Variants in PARD3B observed in about 807,000 individuals in gnomAD.
PARD3B encodes par-3 family cell polarity regulator beta.
In PARD3B, 103 loss-of-function variants were observed where a neutral mutation model predicts 130.2. The observed-to-expected ratio is 0.79, with a 90% CI of 0.67 to 0.93. The LOEUF (loss-of-function observed/expected upper bound fraction) is 0.93. Among genes scored for constraint, PARD3B ranks in the 40% least tolerant of loss-of-function variants. The pLI, the probability that PARD3B is intolerant of heterozygous loss-of-function variation, is 0.00. For missense variants in PARD3B, 1,609 were observed against 1,499.2 expected, an observed-to-expected ratio of 1.07 and a Z score of -1.21; for synonymous variants, 583 against 553.2, an observed-to-expected ratio of 1.05 and a Z score of -0.76.
intron 2 of PARD3B, among the ~76,000 whole-genome samples, chr2:204,804,402 A>C (rs2042689164): frequency 6.6e-6 from 1 of 152,220 alleles, no homozygotes; most frequent in Admixed American, 6.5e-5. Context: ...AAAAGATACA[A>C]AGTCATTATA....
At chr2:204,748,230 G>T (rs1219774461) in intron 2 of PARD3B, among the ~76,000 whole-genome samples, 1 of 152,034 alleles carries the variant, frequency 6.6e-6, no homozygotes, top group Non-Finnish European at 1.5e-5. Flanking sequence ...CAGATTAAAT[G>T]ACACCTAAAG....
In PARD3B at chr2:205,158,755, G is replaced by C. The variant is rs779121059; in HGVS notation, c.1468G>C (p.Glu490Gln). The part of the protein sequence containing the change: ...GEPDCCALSL[E>Q]TSEQLTFEIP... Reference sequence around the variant, plus strand: ...ACCTGACTGCTGTGCACTCTCTCTGGAGACAAGCGAGCAGCTCACCTTTGA... The same window carrying C: ...ACCTGACTGCTGTGCACTCTCTCTGCAGACAAGCGAGCAGCTCACCTTTGA... The change falls in exon 11 of 23, where the codon GAG becomes CAG. Residue 490 changes from glutamate to glutamine, a missense_variant. Glu to Gln is a conservative substitution (Grantham distance 29). Coordinates refer to ENST00000406610, the MANE Select transcript of PARD3B (RefSeq NM_001302769.2). The surrounding 1 kb of genome is among the most constrained non-coding windows in gnomAD (Gnocchi z 5.4). 6.2e-7 allele frequency: 1 copy of C among 1,614,110 alleles called. No individual in the cohort carries two copies. Among genetic ancestry groups the C allele is most frequent in the South Asian group, 1.1e-5 (1 of 91,078 alleles).
At chr2:204,613,358 C>T (rs182464881) in intron 1 of PARD3B, among the ~76,000 whole-genome samples, 37 of 152,186 alleles carry the variant, frequency 2.4e-4, no homozygotes, top group African/African-American at 8.4e-4. Context: ...CTGCATTTTC[C>T]GCCTCCAGTT....
chr2:205,273,755 T>A (rs1011178230), intron 16 of PARD3B, among the ~76,000 whole-genome samples: 14 of 152,230 alleles, frequency 9.2e-5, no homozygotes, highest in African/African-American at 3.4e-4. Context: ...GCCTACCTTG[T>A]GCTGTGTATC....
At chr2:205,120,612 G>A (rs1027053366) in intron 7 of PARD3B, among the ~76,000 whole-genome samples, 8 of 152,124 alleles carry the variant, frequency 5.3e-5, no homozygotes, top group East Asian at 1.9e-4. Context: ...CAGTTAGTGC[G>A]GCAGCTGCAC....
At chr2:204,554,303 G>A (rs1434948381) in intron 1 of PARD3B, among the ~76,000 whole-genome samples, 2 of 151,840 alleles carry the variant, frequency 1.3e-5, no homozygotes, top group African/African-American at 2.4e-5. Flanking sequence ...CTCTATATAC[G>A]GCTTTCTTGA....
chr2:205,277,655 G>A (rs2041003694), intron 16 of PARD3B, among the ~76,000 whole-genome samples: 2 of 152,074 alleles, frequency 1.3e-5, no homozygotes. Flanking sequence ...GAGGAGGGAG[G>A]GAACTGATGT....
intron 16 of PARD3B, among the ~76,000 whole-genome samples, chr2:205,278,552 T>C (rs1342334372): frequency 6.6e-6 from 1 of 152,038 alleles, no homozygotes; most frequent in African/African-American, 2.4e-5. Flanking sequence ...TTTTGGAAGG[T>C]TTTGAGTTAG....
chr2:205,340,478 G>A (rs984804463), intron 18 of PARD3B, among the ~76,000 whole-genome samples: 5 of 151,944 alleles, frequency 3.3e-5, no homozygotes, highest in East Asian at 1.9e-4. Context: ...TTTCAACAAC[G>A]GCATCAATAT....
At chr2:205,189,753 A>C (rs907636510) in intron 14 of PARD3B, among the ~76,000 whole-genome samples, 1 of 152,182 alleles carries the variant, frequency 6.6e-6, no homozygotes, top group Non-Finnish European at 1.5e-5. Context: ...CTGGTGCTCT[A>C]TATGCCCACA....
chr2:204,718,904 A>G (rs1380454397), intron 2 of PARD3B, among the ~76,000 whole-genome samples: 1 of 152,180 alleles, frequency 6.6e-6, no homozygotes, highest in Non-Finnish European at 1.5e-5. Flanking sequence ...TAACACATAT[A>G]TGTATCGTTG....
chr2:205,138,440 T>C (rs1454985992), intron 10 of PARD3B, among the ~76,000 whole-genome samples: 1 of 152,180 alleles, frequency 6.6e-6, no homozygotes, highest in East Asian at 1.9e-4. Context: ...AGAGAATTAC[T>C]CTTTTAGACA....
chr2:205,526,383 C>A (rs550670433), intron 21 of PARD3B, among the ~76,000 whole-genome samples: 1 of 152,174 alleles, frequency 6.6e-6, no homozygotes, highest in Non-Finnish European at 1.5e-5. Flanking sequence ...TCCAGTATTG[C>A]CAGGTAGAGT....
chr2:204,996,161 G>A (rs542727720), intron 3 of PARD3B, among the ~76,000 whole-genome samples: 3 of 101,948 alleles, frequency 2.9e-5, no homozygotes, highest in Middle Eastern at 4.3e-3. Flanking sequence ...GGCGCTCTGC[G>A]TTTTAGAGTT....
At chr2:205,141,251 A>T (rs563529542) in intron 10 of PARD3B, among the ~76,000 whole-genome samples, 1 of 152,276 alleles carries the variant, frequency 6.6e-6, no homozygotes, top group African/African-American at 2.4e-5. Flanking sequence ...TTGCTTACAA[A>T]CTGCTTCCCA....
chr2:204,569,454 G>A (rs980169810), intron 1 of PARD3B, among the ~76,000 whole-genome samples: 1 of 152,190 alleles, frequency 6.6e-6, no homozygotes, highest in African/African-American at 2.4e-5. Flanking sequence ...ACATAGAGTA[G>A]TAATCATCAA....
intron 2 of PARD3B, among the ~76,000 whole-genome samples, chr2:204,868,543 CA>C (rs1314003912): frequency 1.3e-5 from 2 of 152,152 alleles, no homozygotes; most frequent in Non-Finnish European, 2.9e-5. Flanking sequence ...CCTCCACTAT[CA>C]CCAGTATTTC....
At chr2:205,126,122 C>A (rs2031364802) in intron 10 of PARD3B, among the ~76,000 whole-genome samples, 1 of 152,040 alleles carries the variant, frequency 6.6e-6, no homozygotes, top group South Asian at 2.1e-4. Flanking sequence ...AAAAGATAGC[C>A]AAGTATTCAA....
At chr2:204,832,685 T>C (rs2125570219) in intron 2 of PARD3B, among the ~76,000 whole-genome samples, 1 of 152,314 alleles carries the variant, frequency 6.6e-6, no homozygotes, top group Admixed American at 6.5e-5. Flanking sequence ...TACGCTGGGC[T>C]TGAGTAGTGA....
Sources: gnomAD v4.1 joint callset for allele counts (sites outside exome capture counted in the v4.1 genomes callset) on GRCh38, gnomAD v4.1.1 for gene constraint, Gnocchi (gnomAD v3.1) non-coding constraint, MANE v1.5 for transcripts, NCBI Gene and HGNC (gene_info 2026-07-23, HGNC 2026-07-21) for gene names.